HERC3: variants seen among roughly 807,000 people sequenced by gnomAD.
The protein encoded by HERC3 is probable E3 ubiquitin-protein ligase HERC3.
Under a neutral mutation model 129.9 loss-of-function variants are expected in HERC3, and 58 were observed. The observed-to-expected ratio is 0.45, with a 90% CI of 0.36 to 0.56. HERC3 has a LOEUF of 0.56. Among genes scored for constraint, HERC3 ranks in the 20% least tolerant of loss-of-function variants. The pLI is 0.00. For missense variants in HERC3, 835 were observed against 1,244.2 expected, an observed-to-expected ratio of 0.67 and a Z score of 4.95; for synonymous variants, 430 against 451.0, an observed-to-expected ratio of 0.95 and a Z score of 0.59.
At position 88,681,221 on chromosome 4, in the gene HERC3, C is replaced by G; in HGVS notation, c.2403C>G (p.Asn801Lys). ...TAACCTGTGGACTAGCTATCTACAA[C>G]TCCACTGTGGTCGATCTCCACTTCC... ...IGITCGLAIY[N>K]STVVDLHFPL... The change falls in exon 21 of 26, where the codon AAC (asparagine) becomes AAG (lysine). Residue 801 changes from asparagine (N) to lysine (K), a missense_variant. By Grantham distance (94) the Asn-to-Lys change is moderately conservative (BLOSUM62 0). Transcript: ENST00000402738. The G allele has an allele frequency of 6.2e-7, 1 of 1,614,008 alleles. No homozygotes were observed. The highest frequency in any genetic ancestry group is 8.5e-7 in the Non-Finnish European group (1 of 1,179,848).
chr4:88,574,137 T>A, the HERC3 span, among the ~76,000 whole-genome samples: 3 of 152,266 alleles, frequency 2.0e-5, no homozygotes, highest in South Asian at 6.2e-4. Flanking sequence ...AGGCAGAATC[T>A]AGGAAGAATT....
At chr4:88,540,867 A>G in the HERC3 span, among the ~76,000 whole-genome samples, 1 of 152,342 alleles carries the variant, frequency 6.6e-6, no homozygotes, top group East Asian at 1.9e-4. Context: ...GGAGAAATAA[A>G]ATACTTTATA....
At chr4:88,652,170 C>A in intron 5 of HERC3, 82 bp downstream of exon 5, 1 of 1,100,106 alleles carries the variant, frequency 9.1e-7, no homozygotes, top group Non-Finnish European at 1.4e-6. Context: ...TATTATCTAA[C>A]TGAAAACTTT....
At chr4:88,585,564 C>T in the HERC3 span, among the ~76,000 whole-genome samples, 1 of 142,248 alleles carries the variant, frequency 7.0e-6, no homozygotes, top group South Asian at 2.2e-4. Context: ...TATTGACTCA[C>T]TTTTATTGGC....
Position 88,602,055 on chromosome 4 carries a change from CA to C in HERC3, c.-29-3722del, listed in dbSNP as rs1266941147. On this transcript the variant is annotated intron_variant, in intron 2 of 25. Coordinates refer to ENST00000402738, the MANE Select transcript of HERC3 (RefSeq NM_014606.3). ...TGGGCGACAGAGCGAGACTCCGTCT[CA>C]AAAAAAAAAAAAAAAAAGAAAAGGA... 4.8e-3 allele frequency among the ~76,000 whole-genome samples: 212 copies of C among 43,832 alleles called. 6 individuals are homozygous for C. The highest frequency in any genetic ancestry group is 0.019 in the South Asian group (20 of 1,078). The allele number at this position is 43,832 out of a possible 152,430, so 28.8% of individuals were successfully genotyped here.
rs775294028 is a variant in HERC3 at position 88,667,474 on chromosome 4, A to G, written c.1429A>G (p.Met477Val). ...FEKLMNSQHS[M>V]ILEQILNSFE... The stretch of plus-strand genomic sequence containing the variant: ...GAAGTTAATGAACTCTCAGCACTCC[A>G]TGATTCTAGAACAGGTATGTTTCTA... The change falls in exon 13 of 26, where the codon ATG becomes GTG. Residue 477 changes from methionine to valine, a missense_variant. Coordinates refer to ENST00000402738, the MANE Select transcript of HERC3 (RefSeq NM_014606.3). 101 of 1,584,162 alleles carry G rather than the reference A, an allele frequency of 6.4e-5. No homozygotes were observed. The highest frequency in any genetic ancestry group is 8.5e-5 in the Non-Finnish European group (98 of 1,156,404).
At chr4:88,571,443 G>C in the HERC3 span, among the ~76,000 whole-genome samples, 2 of 152,176 alleles carry the variant, frequency 1.3e-5, no homozygotes, top group African/African-American at 4.8e-5. Context: ...AGCAAAAGAA[G>C]AAACTAGTCT....
At chr4:88,591,647 T>C (rs984441279), upstream of HERC3, among the ~76,000 whole-genome samples, 19 of 152,194 alleles carry the variant, frequency 1.2e-4, no homozygotes, top group Non-Finnish European at 2.9e-5. Flanking sequence ...AAAGATTAGC[T>C]GTGGATCAGA....
chr4:88,593,774 CTA>C (rs1455784561), intron 1 of HERC3, among the ~76,000 whole-genome samples: 5 of 152,262 alleles, frequency 3.3e-5, no homozygotes, highest in Non-Finnish European at 5.9e-5. Context: ...TTTTTCAACT[CTA>C]GACTTGAGAG....
chr4:88,528,097 A>G, the HERC3 span: 1 of 274,826 alleles, frequency 3.6e-6, no homozygotes. Context: ...TGTGCAATCC[A>G]GGTGGTGAGG....
intron 10 of HERC3, among the ~76,000 whole-genome samples, chr4:88,661,283 C>A (rs1730465515): frequency 6.6e-6 from 1 of 152,090 alleles, no homozygotes; most frequent in Non-Finnish European, 1.5e-5. Flanking sequence ...GATTTTTGTT[C>A]TCTCAATAGA....
At chr4:88,684,019 C>G (rs1733110966) in intron 21 of HERC3, among the ~76,000 whole-genome samples, 1 of 152,240 alleles carries the variant, frequency 6.6e-6, no homozygotes, top group African/African-American at 2.4e-5. Context: ...TAGGAAGAAT[C>G]AATATTGTGA....
chr4:88,636,063 A>G (rs530831965), intron 3 of HERC3, among the ~76,000 whole-genome samples: 59 of 152,330 alleles, frequency 3.9e-4, no homozygotes, highest in African/African-American at 1.2e-3. Flanking sequence ...TATAAAGACT[A>G]ATGACATTAT....
chr4:88,670,021 A>G lies in HERC3; in HGVS notation c.1795A>G (p.Lys599Glu). ...AALKLLEKLY[K>E]VNLKVKHVEY... is the part of the protein sequence containing the mutation. The stretch of plus-strand genomic sequence containing the variant: ...TCTCAAACTCTTGGAGAAGTTATAT[A>G]AGGTGAGCATAGGAGGTGCTAGTGG... Residue 599 changes from lysine to glutamate, a missense_variant and splice_region_variant, in exon 15 of 26, where the codon AAG (lysine) becomes GAG (glutamate). By Grantham distance (56) the Lys-to-Glu change is moderately conservative. Coordinates refer to ENST00000402738, the MANE Select transcript of HERC3 (RefSeq NM_014606.3). 1 of 1,613,716 alleles carries G rather than the reference A, an allele frequency of 6.2e-7. No homozygotes were observed. Among genetic ancestry groups the G allele is most frequent in the Non-Finnish European group, 8.5e-7 (1 of 1,179,700 alleles).
intron 3 of HERC3, among the ~76,000 whole-genome samples, chr4:88,625,334 GTC>G (rs1487827374): frequency 2.6e-5 from 4 of 152,164 alleles, no homozygotes; most frequent in South Asian, 2.1e-4. Flanking sequence ...AACATGGTGT[GTC>G]TCTCTCTATA....
chr4:88,565,245 A>C, the HERC3 span, among the ~76,000 whole-genome samples: 8 of 152,110 alleles, frequency 5.3e-5, no homozygotes, highest in Non-Finnish European at 1.0e-4. Flanking sequence ...GATATCTATT[A>C]GGTCCATTTG....
intron 3 of HERC3, among the ~76,000 whole-genome samples, chr4:88,638,547 A>G (rs1727696549): frequency 6.6e-6 from 1 of 152,242 alleles, no homozygotes; most frequent in South Asian, 2.1e-4. Context: ...ACATCCCTTC[A>G]TGTTAAAGAC....
At chr4:88,612,721 C>T (rs989616648) in intron 3 of HERC3, among the ~76,000 whole-genome samples, 6 of 151,956 alleles carry the variant, frequency 3.9e-5, no homozygotes, top group African/African-American at 1.5e-4. Flanking sequence ...TGGTTTTTGT[C>T]CATGAATTTA....
intron 3 of HERC3, among the ~76,000 whole-genome samples, chr4:88,646,008 C>CT (rs1728652299): frequency 6.6e-6 from 1 of 152,154 alleles, no homozygotes; most frequent in Admixed American, 6.5e-5. Flanking sequence ...AATTTAAAAT[C>CT]TATCTAATTC....
Sources: allele counts gnomAD v4.1 joint callset (sites outside exome capture counted in the v4.1 genomes callset), GRCh38; gene constraint gnomAD v4.1.1; transcripts MANE v1.5; gene names NCBI Gene and HGNC (gene_info 2026-07-23, HGNC 2026-07-21).